Variants in IFT57 observed in about 807,000 individuals in gnomAD.
The protein encoded by IFT57 is intraflagellar transport 57.
A neutral mutation model predicts 56.8 loss-of-function variants in IFT57; 59 were observed. That is an observed-to-expected ratio of 1.04 (90% CI 0.84 to 1.29). The LOEUF (loss-of-function observed/expected upper bound fraction) is 1.29. Ranked by LOEUF, IFT57 falls within the 50% of genes most tolerant of loss-of-function variation. IFT57 has a pLI of 0.00. For missense variants in IFT57, 470 were observed against 522.1 expected (o/e 0.90, Z 0.97); for synonymous variants, 209 against 186.1 (o/e 1.12, Z -1.00).
rs1387079863 is a variant in IFT57 at position 108,206,044 on chromosome 3, ATAT to A, written c.654+581_654+583del. 9.7e-4 allele frequency among the ~76,000 whole-genome samples: 121 copies of A among 125,206 alleles called. 1 individual carries two copies. Among genetic ancestry groups the A allele is most frequent in the African/African-American group, 3.6e-3 (119 of 32,920 alleles). The allele number at this position is 125,206 out of a possible 152,430, so 82.1% of individuals were successfully genotyped here. Reference sequence around the variant, plus strand: ...ATATATTGTATATTATTTATAATATATATTATATATTATTTATATATAATAATA... The same window carrying A: ...ATATATTGTATATTATTTATAATATATATATATTATTTATATATAATAATA... On this transcript the variant is annotated intron_variant, in intron 5 of 10. Coordinates refer to ENST00000264538, the MANE Select transcript of IFT57 (RefSeq NM_018010.4).
At chr3:108,182,398 G>A (rs2080155957) in intron 6 of IFT57, among the ~76,000 whole-genome samples, 1 of 151,960 alleles carries the variant, frequency 6.6e-6, no homozygotes, top group African/African-American at 2.4e-5. Flanking sequence ...GTCCCTCCAG[G>A]TTCATTCAAA....
chr3:108,173,191 T>C (rs1167617190), intron 6 of IFT57, among the ~76,000 whole-genome samples: 3 of 151,856 alleles, frequency 2.0e-5, no homozygotes. Flanking sequence ...TGATACTGTT[T>C]TTATAAATCT....
At chr3:108,220,700 G>A (rs560589935) in intron 1 of IFT57, among the ~76,000 whole-genome samples, 1 of 71,262 alleles carries the variant, frequency 1.4e-5, no homozygotes, top group East Asian at 2.2e-4. Flanking sequence ...CATCTGGAAG[G>A]CTTACTGAAA....
chr3:108,199,628 G>A (rs889242682), intron 5 of IFT57, among the ~76,000 whole-genome samples: 8 of 152,174 alleles, frequency 5.3e-5, no homozygotes, highest in Admixed American at 4.6e-4. Context: ...TAGGCAAGGT[G>A]CAATCACTGT....
intron 6 of IFT57, among the ~76,000 whole-genome samples, chr3:108,178,420 A>C (rs1030406257): frequency 1.1e-4 from 16 of 151,868 alleles, no homozygotes; most frequent in Middle Eastern, 3.4e-3. Context: ...TGCTCCCCCC[A>C]AAAAAAATCA....
intron 4 of IFT57, among the ~76,000 whole-genome samples, chr3:108,210,103 C>G (rs2080335794): frequency 6.6e-6 from 1 of 152,076 alleles, no homozygotes; most frequent in South Asian, 2.1e-4. Flanking sequence ...CTCAGTAATT[C>G]AGAAGGCACT....
At chr3:108,173,808 G>GTATA (rs61048320) in intron 6 of IFT57, among the ~76,000 whole-genome samples, 4 of 127,088 alleles carry the variant, frequency 3.1e-5, no homozygotes, top group African/African-American at 1.2e-4. Context: ...GTGTGTGTGT[G>GTATA]TATATAATAT....
intron 4 of IFT57, among the ~76,000 whole-genome samples, chr3:108,212,714 G>C (rs1180068149): frequency 6.6e-6 from 1 of 152,046 alleles, no homozygotes; most frequent in Non-Finnish European, 1.5e-5. Flanking sequence ...TTCAGCATTT[G>C]CTATTAAAAT....
Position 108,162,322 on chromosome 3 carries a change from C to A in IFT57, c.*155G>T. 1.9e-6 allele frequency: 1 copy of A among 522,614 alleles called. No homozygotes were observed. Among genetic ancestry groups the A allele is most frequent in the South Asian group, 3.7e-5 (1 of 26,890 alleles). The allele number at this position is 522,614 out of a possible 1,614,324, so 32.4% of individuals were successfully genotyped here. ...TTAAACATTACATTCAGTGTAAAGGCTTTAACCATCATAATCACCATGATA... is the reference window on the plus strand; with the variant it reads ...TTAAACATTACATTCAGTGTAAAGGATTTAACCATCATAATCACCATGATA... On this transcript the variant is annotated 3_prime_UTR_variant, in exon 11 of 11. Coordinates refer to ENST00000264538, the MANE Select transcript of IFT57 (RefSeq NM_018010.4).
intron 5 of IFT57, among the ~76,000 whole-genome samples, chr3:108,206,094 AT>A (rs2080311496): frequency 7.5e-6 from 1 of 134,220 alleles, no homozygotes. Context: ...AATAATATAT[AT>A]TGATATATAA....
chr3:108,175,024 T>C (rs893678204), intron 6 of IFT57, among the ~76,000 whole-genome samples: 2 of 151,870 alleles, frequency 1.3e-5, no homozygotes, highest in Non-Finnish European at 2.9e-5. Context: ...GTTTTATGTC[T>C]GAAAAATGCA....
intron 5 of IFT57, among the ~76,000 whole-genome samples, chr3:108,198,091 A>ACCATCTTTTC (rs1018597922): frequency 6.6e-6 from 1 of 152,154 alleles, no homozygotes; most frequent in African/African-American, 2.4e-5. Context: ...GAGTCTTATT[A>ACCATCTTTTC]CCATCTTTTA....
At chr3:108,164,919 C>A (rs1025196159) in intron 9 of IFT57, among the ~76,000 whole-genome samples, 2 of 151,916 alleles carry the variant, frequency 1.3e-5, no homozygotes, top group African/African-American at 4.8e-5. Flanking sequence ...ATATCAGGTC[C>A]TACCTCTCTT....
chr3:108,174,560 T>G (rs1481618652), intron 6 of IFT57, among the ~76,000 whole-genome samples: 2 of 151,858 alleles, frequency 1.3e-5, no homozygotes, highest in African/African-American at 4.8e-5. Flanking sequence ...CTTCTTATAC[T>G]TCTACCTTCT....
chr3:108,210,682 G>A (rs1455983045), intron 4 of IFT57, among the ~76,000 whole-genome samples: 1 of 151,882 alleles, frequency 6.6e-6, no homozygotes, highest in Non-Finnish European at 1.5e-5. Flanking sequence ...ACAGAATCAT[G>A]TTATCCCACC....
intron 6 of IFT57, among the ~76,000 whole-genome samples, chr3:108,185,284 G>T (rs1331155985): frequency 6.6e-6 from 1 of 152,086 alleles, no homozygotes; most frequent in Non-Finnish European, 1.5e-5. Flanking sequence ...GAGGGTGAAG[G>T]ATCTAAAGCT....
At chr3:108,205,318 C>T (rs1409946888) in intron 5 of IFT57, among the ~76,000 whole-genome samples, 2 of 151,992 alleles carry the variant, frequency 1.3e-5, no homozygotes, top group Non-Finnish European at 2.9e-5. Context: ...TCATTTACAG[C>T]TTAAGAAGAT....
chr3:108,185,453 T>C (rs991533709), intron 6 of IFT57, among the ~76,000 whole-genome samples: 3 of 151,748 alleles, frequency 2.0e-5, no homozygotes, highest in South Asian at 2.1e-4. Context: ...AAAAGATATC[T>C]GCCTAAACAG....
chr3:108,185,250 T>C (rs1051754348), intron 6 of IFT57, among the ~76,000 whole-genome samples: 8 of 152,072 alleles, frequency 5.3e-5, no homozygotes, highest in African/African-American at 1.9e-4. Context: ...AATGAAGATA[T>C]AATACGACAA....
Sources: gnomAD v4.1 joint callset for allele counts (sites outside exome capture counted in the v4.1 genomes callset) on GRCh38, gnomAD v4.1.1 for gene constraint, MANE v1.5 for transcripts, NCBI Gene and HGNC (gene_info 2026-07-23, HGNC 2026-07-21) for gene names.